Variants in NELL1 observed in about 807,000 individuals in gnomAD.
NELL1 encodes neural EGFL like 1, also known as protein kinase C-binding protein NELL1.
NELL1 carries 76 observed loss-of-function variants against 107.4 expected under a neutral mutation model. The observed-to-expected ratio is 0.71, with a 90% CI of 0.59 to 0.86. The LOEUF (loss-of-function observed/expected upper bound fraction) is 0.86, where lower values mean the gene tolerates loss of function less well. Ranked by LOEUF, NELL1 falls within the 40% of genes least tolerant of loss-of-function variation. The pLI, the probability that NELL1 is intolerant of heterozygous loss-of-function variation, is 0.00. For synonymous variants in NELL1, 353 were observed against 341.2 expected, an observed-to-expected ratio of 1.03 and a Z score of -0.38; for missense variants, 1,024 against 1,005.5, an observed-to-expected ratio of 1.02 and a Z score of -0.25.
chr11:21,406,395 T>G (rs1852237095), intron 15 of NELL1, among the ~76,000 whole-genome samples: 1 of 111,220 alleles, frequency 9.0e-6, no homozygotes, highest in South Asian at 3.1e-4. Flanking sequence ...TTTCCTGAAT[T>G]TTCCAATAAT....
intron 12 of NELL1, among the ~76,000 whole-genome samples, chr11:21,018,772 C>T (rs775654694): frequency 1.7e-4 from 26 of 152,162 alleles, no homozygotes; most frequent in African/African-American, 5.5e-4. Context: ...AAATTTTTAG[C>T]GAGTGGGTTT....
chr11:21,004,558 GAGGTTTTC>G, intron 12 of NELL1, among the ~76,000 whole-genome samples: 1 of 152,134 alleles, frequency 6.6e-6, no homozygotes, highest in East Asian at 1.9e-4. Context: ...TCTCCACAGG[GAGGTTTTC>G]AGATACCAGG....
intron 14 of NELL1, among the ~76,000 whole-genome samples, chr11:21,322,270 T>A: frequency 6.6e-6 from 1 of 152,268 alleles, no homozygotes; most frequent in Non-Finnish European, 1.5e-5. Context: ...ATTTGGGGAA[T>A]GTAATTTCAC....
chr11:20,705,024 A>C (rs1854905284), intron 2 of NELL1, among the ~76,000 whole-genome samples: 1 of 152,190 alleles, frequency 6.6e-6, no homozygotes, highest in South Asian at 2.1e-4. Flanking sequence ...GATACAAACA[A>C]ATGGAAGAAC....
At chr11:21,057,288 G>A (rs7106157) in intron 12 of NELL1, among the ~76,000 whole-genome samples, 97,388 of 151,870 alleles carry the variant, frequency 0.64, 32,221 homozygotes, top group East Asian at 0.81. Flanking sequence ...TTCATCTATC[G>A]AATAAGACAA....
At chr11:20,688,880 T>C (rs901782296) in intron 2 of NELL1, among the ~76,000 whole-genome samples, 1 of 152,124 alleles carries the variant, frequency 6.6e-6, no homozygotes, top group East Asian at 1.9e-4. Context: ...TGTTTCCTTT[T>C]CTCTGCAGCC....
chr11:20,770,370 A>C (rs1856616044), intron 2 of NELL1, among the ~76,000 whole-genome samples: 1 of 152,220 alleles, frequency 6.6e-6, no homozygotes, highest in South Asian at 2.1e-4. Context: ...AGTCTGCCAA[A>C]GGAAAAAAAT....
At chr11:20,908,624 A>G (rs1850058080) in intron 5 of NELL1, among the ~76,000 whole-genome samples, 1 of 152,172 alleles carries the variant, frequency 6.6e-6, no homozygotes, top group African/African-American at 2.4e-5. Context: ...TGGCACACGT[A>G]TACCTATGTA....
At chr11:21,561,407 C>T (rs1406226675) in intron 17 of NELL1, among the ~76,000 whole-genome samples, 1 of 152,076 alleles carries the variant, frequency 6.6e-6, no homozygotes, top group East Asian at 1.9e-4. Context: ...CCTAGTTTCC[C>T]ACACTCCAAT....
intron 15 of NELL1, among the ~76,000 whole-genome samples, chr11:21,476,353 T>G: frequency 6.6e-6 from 1 of 152,168 alleles, no homozygotes; most frequent in East Asian, 1.9e-4. Context: ...GGTAGCATAC[T>G]CACTGAATGA....
rs79986596 is a variant in NELL1 at position 21,234,207 on chromosome 11, G to A, written c.1549+4753G>A. ...GAACCCAGAGAAAAATGCAAGCATG[G>A]GCTCCTAGTTCGAAAAGCAGGAAAA... On this transcript the variant is annotated intron_variant, in intron 14 of 19. Coordinates refer to ENST00000357134, the MANE Select transcript of NELL1 (RefSeq NM_006157.5). 4.1e-3 allele frequency among the ~76,000 whole-genome samples: 623 copies of A among 152,282 alleles called. 18 individuals carry two copies. The East Asian group carries it at 0.092, about 22-fold the overall frequency.
In NELL1 at chr11:21,463,936, G is replaced by A. The variant is rs371826698; in HGVS notation, c.1646-70438G>A. On this transcript the variant is annotated intron_variant, in intron 15 of 19. Coordinates refer to ENST00000357134, the MANE Select transcript of NELL1 (RefSeq NM_006157.5). ...ACTAACACATCTGAAAACTGGGCTG[G>A]GATGATTTAAGCGCTGGGCTCAGCT... Among the ~76,000 whole-genome samples, 6 of 152,126 alleles carry A rather than the reference G, an allele frequency of 3.9e-5. 1 individual carries two copies. The highest frequency in any genetic ancestry group is 1.4e-4 in the African/African-American group (6 of 41,516).
At chr11:20,707,218 A>T (rs1281028831) in intron 2 of NELL1, among the ~76,000 whole-genome samples, 3 of 152,154 alleles carry the variant, frequency 2.0e-5, no homozygotes, top group Admixed American at 6.5e-5. Context: ...CTATCAGGTC[A>T]TTTAAGGTCT....
intron 2 of NELL1, among the ~76,000 whole-genome samples, chr11:20,680,530 C>CA (rs1165047309): frequency 6.6e-6 from 1 of 152,000 alleles, no homozygotes; most frequent in Non-Finnish European, 1.5e-5. Context: ...AATCTGCTTC[C>CA]AAAATACAAT....
chr11:21,498,130 C>A (rs536273463), intron 15 of NELL1, among the ~76,000 whole-genome samples: 141 of 151,652 alleles, frequency 9.3e-4, no homozygotes, highest in Non-Finnish European at 1.5e-3. Context: ...TTCAATATTT[C>A]TCTACATTTG....
intron 15 of NELL1, among the ~76,000 whole-genome samples, chr11:21,500,557 C>T (rs945437766): frequency 6.6e-6 from 1 of 151,938 alleles, no homozygotes. Flanking sequence ...CTACAGTTCC[C>T]AACAATTCAA....
At chr11:20,874,729 G>C (rs542513283) in intron 4 of NELL1, among the ~76,000 whole-genome samples, 1 of 152,092 alleles carries the variant, frequency 6.6e-6, no homozygotes, top group African/African-American at 2.4e-5. Context: ...CCTTCCCTCT[G>C]TATACTATAG....
intron 5 of NELL1, among the ~76,000 whole-genome samples, chr11:20,903,447 A>C (rs1368124798): frequency 6.6e-6 from 1 of 152,078 alleles, no homozygotes; most frequent in Non-Finnish European, 1.5e-5. Flanking sequence ...CCTCATTGAG[A>C]ATCTGAACAG....
At chr11:20,908,158 T>C (rs554914727) in intron 5 of NELL1, among the ~76,000 whole-genome samples, 4 of 152,212 alleles carry the variant, frequency 2.6e-5, no homozygotes, top group East Asian at 3.9e-4. Flanking sequence ...TCTTCAAAGA[T>C]ATAAAACCAG....
Sources: gnomAD v4.1 joint callset for allele counts (sites outside exome capture counted in the v4.1 genomes callset) on GRCh38, gnomAD v4.1.1 for gene constraint, MANE v1.5 for transcripts, NCBI Gene and HGNC (gene_info 2026-07-23, HGNC 2026-07-21) for gene names.